Variants in GMPR observed in about 807,000 individuals in gnomAD.
GMPR encodes the protein GMP reductase 1.
GMPR carries 31 observed loss-of-function variants against 38.4 expected under a neutral mutation model. That is an observed-to-expected ratio of 0.81 (90% confidence interval 0.61 to 1.09). The LOEUF (loss-of-function observed/expected upper bound fraction) is 1.09, where lower values mean the gene tolerates loss of function less well. Ranked by LOEUF, GMPR falls within the 50% of genes least tolerant of loss-of-function variation. GMPR has a pLI of 0.00. For synonymous variants in GMPR, 162 were observed against 173.3 expected, an observed-to-expected ratio of 0.93 and a Z score of 0.51; for missense variants, 468 against 453.7, an observed-to-expected ratio of 1.03 and a Z score of -0.29.
intron 8 of GMPR, among the ~76,000 whole-genome samples, chr6:16,293,957 G>A (rs978555404): frequency 6.6e-6 from 1 of 152,140 alleles, no homozygotes. Context: ...ATATACACAT[G>A]TGTAATATAC....
chr6:16,242,300 C>T (rs1291959182), intron 1 of GMPR, among the ~76,000 whole-genome samples: 1 of 151,428 alleles, frequency 6.6e-6, no homozygotes, highest in Non-Finnish European at 1.5e-5. Context: ...GGAAGGATAC[C>T]TGTGTTTTAG....
chr6:16,292,179 C>T (rs1180182403), intron 8 of GMPR, among the ~76,000 whole-genome samples: 6 of 152,108 alleles, frequency 3.9e-5, no homozygotes, highest in African/African-American at 1.4e-4. Context: ...CCTTTATTTC[C>T]TACCACTCAT....
chr6:16,265,207 C>T (rs897336199), intron 4 of GMPR, among the ~76,000 whole-genome samples: 1 of 152,216 alleles, frequency 6.6e-6, no homozygotes, highest in African/African-American at 2.4e-5. Context: ...CCTACCTCTG[C>T]CTCCTAAAGT....
At position 16,265,922 on chromosome 6, in the gene GMPR, C is replaced by T. The variant is rs138994109; in HGVS notation, c.466-8493C>T. Among the ~76,000 whole-genome samples, 7 of 152,308 alleles carry T rather than the reference C, an allele frequency of 4.6e-5. No homozygotes were observed. In the East Asian group the frequency reaches 7.7e-4, roughly 17 times the overall value. On this transcript the variant is annotated intron_variant, in intron 4 of 8. Transcript: ENST00000259727. ...ACTGCAAAGATGTGCAGTTTCACTC[C>T]TGAAGTCAGTGAGACCACGAAGCCA... is the stretch of plus-strand genomic sequence containing the variant.
chr6:16,272,018 C>T (rs1759397101), intron 4 of GMPR, among the ~76,000 whole-genome samples: 1 of 152,120 alleles, frequency 6.6e-6, no homozygotes, highest in African/African-American at 2.4e-5. Context: ...TGAGACCAGC[C>T]TGGCCAACTT....
chr6:16,246,261 C>G (rs539016113), intron 1 of GMPR, among the ~76,000 whole-genome samples: 1 of 152,294 alleles, frequency 6.6e-6, no homozygotes, highest in East Asian at 1.9e-4. Flanking sequence ...TTGGAGCCCC[C>G]TGACCTCCCC....
chr6:16,250,462 A>G (rs1758849831), intron 3 of GMPR, 95 bp downstream of exon 3: 1 of 783,530 alleles, frequency 1.3e-6, no homozygotes, highest in East Asian at 2.4e-5. Context: ...GCAGAGAGAC[A>G]TTGAGAGTTC....
intron 4 of GMPR, among the ~76,000 whole-genome samples, chr6:16,269,401 A>G (rs1268210229): frequency 2.0e-5 from 3 of 152,228 alleles, no homozygotes; most frequent in Non-Finnish European, 4.4e-5. Context: ...AAATTGGGGC[A>G]AAGCAGTTTT....
intron 7 of GMPR, among the ~76,000 whole-genome samples, chr6:16,289,343 A>G (rs1003273805): frequency 1.3e-5 from 2 of 152,240 alleles, no homozygotes; most frequent in Non-Finnish European, 2.9e-5. Flanking sequence ...GTTAATAGGC[A>G]ATGAAGAATC....
Position 16,295,170 on chromosome 6 carries a change from A to G in GMPR, c.1022A>G (p.Asn341Ser), listed in dbSNP as rs144589455. The change falls in exon 9 of 9, where the codon AAC becomes AGC. Residue 341 changes from asparagine to serine, a missense_variant. Transcript: ENST00000259727. The stretch of plus-strand genomic sequence containing the variant: ...TTCATCCGGGTGACCCAGCAGCACA[A>G]CACCGTGTTCAGCTAACCCTGGGGA... ...ATFIRVTQQH[N>S]TVFS 185 of 1,534,444 alleles carry G rather than the reference A, an allele frequency of 1.2e-4. 1 individual carries two copies. In the African/African-American group the frequency reaches 2.6e-3, roughly 21 times the overall value.
At chr6:16,267,385 G>GT (rs1759276310) in intron 4 of GMPR, among the ~76,000 whole-genome samples, 1 of 151,676 alleles carries the variant, frequency 6.6e-6, no homozygotes, top group South Asian at 2.1e-4. Context: ...ACAAAGAGCT[G>GT]TAACACTCAC....
At chr6:16,277,095 T>C (rs2113695661) in intron 5 of GMPR, among the ~76,000 whole-genome samples, 1 of 152,148 alleles carries the variant, frequency 6.6e-6, no homozygotes, top group East Asian at 1.9e-4. Flanking sequence ...GGTTAAACCT[T>C]TTATTCTGCC....
At chr6:16,250,443 C>T in intron 3 of GMPR, 76 bp downstream of exon 3, 3 of 834,062 alleles carry the variant, frequency 3.6e-6, no homozygotes, top group Middle Eastern at 2.2e-4. Flanking sequence ...AAGAGGATTT[C>T]AGTCAGTAGC....
chr6:16,247,377 CTTT>C (rs539745655), intron 2 of GMPR, among the ~76,000 whole-genome samples: 2 of 141,790 alleles, frequency 1.4e-5, no homozygotes, highest in Non-Finnish European at 1.6e-5. Context: ...TAATGTATTT[CTTT>C]TTTTTTTTTT....
chr6:16,288,894 C>T (rs1178333375), intron 7 of GMPR, among the ~76,000 whole-genome samples: 1 of 152,204 alleles, frequency 6.6e-6, no homozygotes, highest in African/African-American at 2.4e-5. Flanking sequence ...CTGGTGGGGA[C>T]GTGGAGAACC....
intron 8 of GMPR, among the ~76,000 whole-genome samples, chr6:16,291,838 G>A (rs1220246232): frequency 1.3e-5 from 2 of 151,762 alleles, no homozygotes; most frequent in Admixed American, 1.3e-4. Flanking sequence ...TTAAGCCCAG[G>A]AGTTGGAGGC....
chr6:16,251,643 A>T (rs1376337413), intron 3 of GMPR, among the ~76,000 whole-genome samples: 1 of 152,232 alleles, frequency 6.6e-6, no homozygotes, highest in Non-Finnish European at 1.5e-5. Context: ...AGAATAGGCA[A>T]ATCTAAGTCA....
intron 4 of GMPR, among the ~76,000 whole-genome samples, chr6:16,271,208 G>A (rs1226544100): frequency 1.3e-5 from 2 of 150,276 alleles, no homozygotes; most frequent in African/African-American, 2.5e-5. Flanking sequence ...AATTGTGGCC[G>A]GGCGCAGTGG....
intron 4 of GMPR, among the ~76,000 whole-genome samples, chr6:16,266,405 G>A (rs529635634): frequency 2.3e-5 from 3 of 133,236 alleles, no homozygotes; most frequent in African/African-American, 8.2e-5. Flanking sequence ...ACCTTTAAGA[G>A]CTGTAACACT....
Sources: gnomAD v4.1 joint callset for allele counts (sites outside exome capture counted in the v4.1 genomes callset) on GRCh38, gnomAD v4.1.1 for gene constraint, MANE v1.5 for transcripts, NCBI Gene and HGNC (gene_info 2026-07-23, HGNC 2026-07-21) for gene names.